Variants in AK8 observed in about 807,000 individuals in gnomAD.
The protein encoded by AK8 is adenylate kinase 8.
In AK8, 44 loss-of-function variants were observed where a neutral mutation model predicts 54.6. The observed-to-expected ratio is 0.81, with a 90% CI of 0.63 to 1.04. The LOEUF (loss-of-function observed/expected upper bound fraction) is 1.04, where lower values mean the gene tolerates loss of function less well. AK8 is among the 50% of genes least tolerant of loss of function. The probability of loss-of-function intolerance (pLI) is 0.00; values close to 1 mark genes in which losing one functional copy is unlikely to be tolerated. For synonymous variants in AK8, 239 were observed against 245.6 expected (o/e 0.97, Z 0.25); for missense variants, 555 against 613.6 (o/e 0.90, Z 1.01).
chr9:132,758,665 C>T (rs1456203991), intron 11 of AK8, among the ~76,000 whole-genome samples: 1 of 151,430 alleles, frequency 6.6e-6, no homozygotes, highest in Non-Finnish European at 1.5e-5. Flanking sequence ...CGCCATGTTG[C>T]CTAGTCTGGT....
intron 11 of AK8, among the ~76,000 whole-genome samples, chr9:132,773,174 G>C (rs547091619): frequency 6.6e-6 from 1 of 152,320 alleles, no homozygotes; most frequent in East Asian, 1.9e-4. Context: ...ATGTTGCTCA[G>C]AGTTGCCAGG....
intron 11 of AK8, among the ~76,000 whole-genome samples, chr9:132,753,983 G>A (rs1838069123): frequency 6.6e-6 from 1 of 152,214 alleles, no homozygotes; most frequent in African/African-American, 2.4e-5. Flanking sequence ...AGAGGGCACT[G>A]GAGCCCGGAG....
At chr9:132,811,700 G>C (rs1468782963) in intron 10 of AK8, among the ~76,000 whole-genome samples, 2 of 152,176 alleles carry the variant, frequency 1.3e-5, no homozygotes, top group Non-Finnish European at 2.9e-5. Flanking sequence ...CTGATGGTGG[G>C]AGCGTATGGC....
Position 132,803,781 on chromosome 9 carries a change from T to C in AK8, c.979+10857A>G, listed in dbSNP as rs215170. On this transcript the variant is annotated intron_variant, in intron 10 of 12. Transcript: ENST00000298545. This position sits in a 1 kb window ranked among gnomAD's most constrained non-coding sequence, Gnocchi z 4.4. ...TCTAGAAATCCTTCAGGCTGCATGC[T>C]GCCCCCTGTGACCTGTCTCCTCTTT... Among the ~76,000 whole-genome samples the C allele has an allele frequency of 0.28, 42,845 of 151,912 alleles. 6,193 individuals are homozygous for C. Among genetic ancestry groups the C allele is most frequent in the East Asian group, 0.49 (2,512 of 5,140 alleles).
At position 132,770,951 on chromosome 9, in the gene AK8, A is replaced by T. The variant is rs1838950549; in HGVS notation, c.1121+21683T>A. On this transcript the variant is annotated intron_variant, in intron 11 of 12. Coordinates refer to ENST00000298545, the MANE Select transcript of AK8 (RefSeq NM_152572.3). This position sits in a 1 kb window ranked among gnomAD's most constrained non-coding sequence, Gnocchi z 4.3. The stretch of plus-strand genomic sequence containing the variant: ...AGCAGCTGGTGGCCTCGGCAAACGC[A>T]GCACAGGAGATGGGAGGGTCTGGCT... 6.6e-6 allele frequency among the ~76,000 whole-genome samples: 1 copy of T among 152,136 alleles called. No homozygotes were observed. Among genetic ancestry groups the T allele is most frequent in the South Asian group, 2.1e-4 (1 of 4,828 alleles).
intron 11 of AK8, among the ~76,000 whole-genome samples, chr9:132,758,978 G>T (rs1490910063): frequency 6.6e-6 from 1 of 151,850 alleles, no homozygotes; most frequent in African/African-American, 2.4e-5. Context: ...TGGGAGGATC[G>T]CTTGAGCCCC....
At chr9:132,779,740 C>T (rs1017950072) in intron 11 of AK8, among the ~76,000 whole-genome samples, 3 of 152,180 alleles carry the variant, frequency 2.0e-5, no homozygotes, top group Non-Finnish European at 4.4e-5. Flanking sequence ...AGGAAATTGA[C>T]GTTAAATGTG....
Position 132,837,543 on chromosome 9 carries a change from C to T in AK8, c.403-8817G>A, listed in dbSNP as rs965480557. On this transcript the variant is annotated intron_variant, in intron 5 of 12. Transcript: ENST00000298545. The surrounding 1 kb of genome is among the most constrained non-coding windows in gnomAD (Gnocchi z 4.3). ...TCTCTCCTGCTCCAAGGTCTGCTTG[C>T]GTCTGCTCAAACCTCAGGCCCTGTC... 2.0e-5 allele frequency among the ~76,000 whole-genome samples: 3 copies of T among 152,094 alleles called. No individual in the cohort carries two copies. Among genetic ancestry groups the T allele is most frequent in the South Asian group, 2.1e-4 (1 of 4,818 alleles).
chr9:132,762,718 A>G (rs1288672488), intron 11 of AK8, among the ~76,000 whole-genome samples: 1 of 152,164 alleles, frequency 6.6e-6, no homozygotes, highest in Non-Finnish European at 1.5e-5. Context: ...AGCCTGGCCA[A>G]TATGGAGAAA....
intron 4 of AK8, among the ~76,000 whole-genome samples, chr9:132,856,134 C>T (rs567362335): frequency 6.6e-6 from 1 of 152,186 alleles, no homozygotes; most frequent in East Asian, 1.9e-4. Flanking sequence ...TTGTAGTGCA[C>T]AACAGGGGCT....
intron 11 of AK8, among the ~76,000 whole-genome samples, chr9:132,735,659 C>T (rs1228450123): frequency 6.6e-6 from 1 of 152,190 alleles, no homozygotes; most frequent in African/African-American, 2.4e-5. Flanking sequence ...GTGGAAAATG[C>T]TATGCTGGCT....
In AK8 at chr9:132,841,382, G is replaced by A. The variant is rs142886601; in HGVS notation, c.403-12656C>T. ...TAAAATTCTCCGCACATGACGAGCC[G>A]TCATAATTGGGCACAAGTCTTTCCT... On this transcript the variant is annotated intron_variant, in intron 5 of 12. Transcript: ENST00000298545. 2.4e-3 allele frequency among the ~76,000 whole-genome samples: 367 copies of A among 152,366 alleles called. 2 individuals are homozygous for A. Among genetic ancestry groups the A allele is most frequent in the Non-Finnish European group, 3.1e-3 (210 of 68,040 alleles).
chr9:132,735,085 T>A (rs1166087685), intron 11 of AK8, among the ~76,000 whole-genome samples: 1 of 152,178 alleles, frequency 6.6e-6, no homozygotes, highest in East Asian at 1.9e-4. Flanking sequence ...CAGCCAGGGT[T>A]GAGCACCACT....
At chr9:132,875,399 G>A (rs966863974) in intron 1 of AK8, among the ~76,000 whole-genome samples, 200 bp from the exon 2 acceptor site, 4 of 152,282 alleles carry the variant, frequency 2.6e-5, no homozygotes, top group South Asian at 2.1e-4. Flanking sequence ...GTGCTGCTGC[G>A]GAGGCACCTA....
rs181268966 is a variant in AK8, at chr9:132,740,764, C to T, written c.1122-13230G>A. On this transcript the variant is annotated intron_variant, in intron 11 of 12. Transcript: ENST00000298545. ...CCCTCACCTGCACGGTGGGCCCAGG[C>T]GAGGAACCCACCCAGGCCTTGGAAA... is the stretch of plus-strand genomic sequence containing the variant. Among the ~76,000 whole-genome samples the T allele has an allele frequency of 7.2e-5, 11 of 152,242 alleles. No homozygotes were observed. In the East Asian group the frequency reaches 9.7e-4, roughly 13 times the overall value.
At chr9:132,779,873 T>A (rs1839384720) in intron 11 of AK8, among the ~76,000 whole-genome samples, 1 of 152,320 alleles carries the variant, frequency 6.6e-6, no homozygotes, top group South Asian at 2.1e-4. Flanking sequence ...GGATCTTACC[T>A]GGCTATGTGG....
intron 10 of AK8, among the ~76,000 whole-genome samples, chr9:132,807,582 G>A (rs576469917): frequency 2.8e-4 from 43 of 152,280 alleles, no homozygotes; most frequent in Admixed American, 2.5e-3. Context: ...CTGAAGAGCC[G>A]GCGTTGTACC....
chr9:132,825,668 G>A (rs903409366), intron 8 of AK8, among the ~76,000 whole-genome samples: 1 of 152,168 alleles, frequency 6.6e-6, no homozygotes, highest in Non-Finnish European at 1.5e-5. Flanking sequence ...CCGCATCTCC[G>A]AGCTCAGTGT....
chr9:132,794,956 A>T (rs7862035), intron 10 of AK8, among the ~76,000 whole-genome samples: 2,971 of 152,280 alleles, frequency 0.02, 95 homozygotes, highest in African/African-American at 0.068. Flanking sequence ...CACACAGCCG[A>T]CACTCAAAGG....
Sources: allele counts gnomAD v4.1 joint callset (sites outside exome capture counted in the v4.1 genomes callset), GRCh38; gene constraint gnomAD v4.1.1; non-coding constraint Gnocchi (gnomAD v3.1); transcripts MANE v1.5; gene names NCBI Gene and HGNC (gene_info 2026-07-23, HGNC 2026-07-21).